Variants in SPAG9 observed in about 807,000 individuals in gnomAD.
SPAG9 encodes C-Jun-amino-terminal kinase-interacting protein 4.
A neutral mutation model predicts 166.5 loss-of-function variants in SPAG9; 35 were observed. The observed-to-expected ratio is 0.21, with a 90% CI of 0.16 to 0.28. The LOEUF (loss-of-function observed/expected upper bound fraction) is 0.28, where lower values mean the gene tolerates loss of function less well. Among genes scored for constraint, SPAG9 ranks in the 10% least tolerant of loss-of-function variants. The pLI is 1.00. For synonymous variants in SPAG9, 534 were observed against 565.5 expected (o/e 0.94, Z 0.79); for missense variants, 1,235 against 1,603.3 (o/e 0.77, Z 3.92).
chr17:50,984,264 C>T (rs759818508), intron 24 of SPAG9, among the ~76,000 whole-genome samples: 6 of 152,064 alleles, frequency 3.9e-5, no homozygotes, highest in Non-Finnish European at 8.8e-5. Context: ...AATTAAAATT[C>T]TTTAAGAAAA....
At chr17:50,993,688 T>C in intron 19 of SPAG9, 76 bp downstream of exon 19, 1 of 1,436,758 alleles carries the variant, frequency 7.0e-7, no homozygotes. Context: ...CAGAACTGCA[T>C]CTTCAGCTGC....
At chr17:50,979,707 C>T in intron 26 of SPAG9, 39 bp downstream of exon 26, 7 of 1,581,636 alleles carry the variant, frequency 4.4e-6, no homozygotes, top group Non-Finnish European at 6.1e-6. Flanking sequence ...ATAAAACACC[C>T]TCTTTGACTG....
At chr17:50,980,592 C>T (rs1240981834) in intron 25 of SPAG9, among the ~76,000 whole-genome samples, 11 of 151,208 alleles carry the variant, frequency 7.3e-5, no homozygotes, top group Admixed American at 2.6e-4. Context: ...TCAGGCTGGG[C>T]GCTGGTGGCT....
intron 2 of SPAG9, 77 bp from the exon 3 acceptor site, chr17:51,056,559 G>T: frequency 1.1e-6 from 1 of 891,766 alleles, no homozygotes; most frequent in Non-Finnish European, 1.8e-6. Flanking sequence ...GACTCAGAAT[G>T]GGCTATCCAT....
At position 51,120,263 on chromosome 17, in the gene SPAG9, G is replaced by A. The variant is rs1173639032; in HGVS notation, c.303+91C>T. ...CTCAGGCCCGCCCTCCAGGAGGCCC[G>A]TCGCGCCTCTAGTCCCCGACCGGGC... On this transcript the variant is annotated intron_variant, in intron 1 of 29. Coordinates refer to ENST00000262013, the MANE Select transcript of SPAG9 (RefSeq NM_001130528.3). This position sits in a 1 kb window ranked among gnomAD's most constrained non-coding sequence, Gnocchi z 4.7. 2 of 1,184,884 alleles carry A rather than the reference G, an allele frequency of 1.7e-6. No individual in the cohort carries two copies. Among genetic ancestry groups the A allele is most frequent in the Non-Finnish European group, 2.2e-6 (2 of 890,084 alleles). 73.4% of individuals were successfully genotyped at this position (1,184,884 alleles called of 1,614,324 possible).
intron 12 of SPAG9, among the ~76,000 whole-genome samples, chr17:51,003,771 G>T (rs978492447): frequency 1.3e-4 from 20 of 152,086 alleles, no homozygotes; most frequent in Admixed American, 6.5e-4. Context: ...TAGAAACTGG[G>T]CCTCTCCTTT....
chr17:51,075,194 T>TA (rs1340987826), intron 2 of SPAG9, among the ~76,000 whole-genome samples: 1 of 15,874 alleles, frequency 6.3e-5, no homozygotes, highest in Admixed American at 1.1e-3. Context: ...AGACTCCATC[T>TA]CAAAAAAAAA....
chr17:51,017,493 G>A (rs954748475), intron 8 of SPAG9, among the ~76,000 whole-genome samples: 1 of 150,800 alleles, frequency 6.6e-6, no homozygotes, highest in Non-Finnish European at 1.5e-5. Context: ...CCAGGAAGAA[G>A]AGTGGCGACA....
chr17:51,079,726 A>T, intron 1 of SPAG9, 22 bp from the exon 2 acceptor site: 1 of 1,445,630 alleles, frequency 6.9e-7, no homozygotes, highest in Non-Finnish European at 9.5e-7. Flanking sequence ...GAACAATATA[A>T]ATTTAATCAG....
chr17:51,077,113 G>GCTAGCTATCTAGCTATCTAGCTAGCTAT (rs2048037291), intron 2 of SPAG9, among the ~76,000 whole-genome samples: 8 of 135,536 alleles, frequency 5.9e-5, no homozygotes, highest in South Asian at 2.3e-4. Context: ...TAGCTATCTA[G>GCTAGCTATCTAGCTATCTAGCTAGCTAT]CTATCTAGCT....
At chr17:51,046,796 A>C in intron 4 of SPAG9, 1 of 1,533,946 alleles carries the variant, frequency 6.5e-7, no homozygotes, top group Non-Finnish European at 8.7e-7. Flanking sequence ...TTTCCACTCC[A>C]TCCTGCAGCA....
chr17:50,984,834 TCA>T, intron 24 of SPAG9, 87 bp downstream of exon 24: 1 of 983,704 alleles, frequency 1.0e-6, no homozygotes, highest in Non-Finnish European at 1.6e-6. Context: ...AAACTGAGTA[TCA>T]TTTCTTTAAA....
At chr17:51,013,947 T>C (rs1437048132) in intron 9 of SPAG9, among the ~76,000 whole-genome samples, 2 of 152,102 alleles carry the variant, frequency 1.3e-5, no homozygotes, top group East Asian at 1.9e-4. Flanking sequence ...CATGTTCTTA[T>C]GTGTAGTTAT....
intron 12 of SPAG9, among the ~76,000 whole-genome samples, chr17:51,002,542 G>C (rs2045002896): frequency 6.6e-6 from 1 of 152,098 alleles, no homozygotes; most frequent in Non-Finnish European, 1.5e-5. Flanking sequence ...CGGCACTTTG[G>C]GAGTCTGAGG....
chr17:50,986,351 A>G (rs1597914795), intron 22 of SPAG9, among the ~76,000 whole-genome samples: 1 of 152,242 alleles, frequency 6.6e-6, no homozygotes, highest in Admixed American at 6.5e-5. Flanking sequence ...TTCACTTTAT[A>G]GTATTGGACT....
In SPAG9 at chr17:50,964,814, G is replaced by A. The variant is rs1391183195; in HGVS notation, c.*1458C>T. 1 of 384,182 alleles carries A rather than the reference G, an allele frequency of 2.6e-6. No individual in the cohort carries two copies. Among genetic ancestry groups the A allele is most frequent in the Non-Finnish European group, 5.3e-6 (1 of 188,770 alleles). The allele number at this position is 384,182 out of a possible 1,614,324, so 23.8% of individuals were successfully genotyped here. A position where few individuals can be genotyped will look rare whatever the true frequency, so the allele number is the denominator to read the frequency against. ...GTCACCCAGGCTGGAGTGCAGTGGTGCTATCAAGGCTCACTGCAACCTCCA... is the reference window on the plus strand; with the variant it reads ...GTCACCCAGGCTGGAGTGCAGTGGTACTATCAAGGCTCACTGCAACCTCCA... On this transcript the variant is annotated 3_prime_UTR_variant, in exon 30 of 30. Coordinates refer to ENST00000262013, the MANE Select transcript of SPAG9 (RefSeq NM_001130528.3).
intron 16 of SPAG9, 140 bp from the exon 17 acceptor site, chr17:50,995,673 T>G (rs1417320735): frequency 1.6e-6 from 1 of 636,010 alleles, no homozygotes; most frequent in African/African-American, 1.8e-5. Context: ...TTTGTTTTTT[T>G]GTTTTTTTGA....
At chr17:51,040,165 AG>A (rs1346629576) in intron 5 of SPAG9, among the ~76,000 whole-genome samples, 1 of 150,632 alleles carries the variant, frequency 6.6e-6, no homozygotes, top group African/African-American at 2.4e-5. Context: ...ACCCAGGAGG[AG>A]GATGCAGTGA....
At position 51,120,398 on chromosome 17, in the gene SPAG9, T is replaced by A; in HGVS notation, c.259A>T (p.Thr87Ser). ...LLRDDNEQLI[T>S]QYEREKALRK... ...AGCGCCTTCTCCCGCTCGTACTGGGTGATGAGCTGCTCGTTGTCGTCCCGC... is the reference window on the plus strand; with the variant it reads ...AGCGCCTTCTCCCGCTCGTACTGGGAGATGAGCTGCTCGTTGTCGTCCCGC... The change falls in exon 1 of 30, where the codon ACC becomes TCC. Residue 87 changes from threonine to serine, a missense_variant. Physicochemically the swap from Thr to Ser is moderately conservative, Grantham distance 58. This residue lies in a region of SPAG9 where 83 missense variants were observed against 149.8 expected (regional missense o/e 0.55). Coordinates refer to ENST00000262013, the MANE Select transcript of SPAG9 (RefSeq NM_001130528.3). This position sits in a 1 kb window ranked among gnomAD's most constrained non-coding sequence, Gnocchi z 4.7. 6.2e-7 allele frequency: 1 copy of A among 1,610,266 alleles called. No homozygotes were observed.
Sources: allele counts gnomAD v4.1 joint callset (sites outside exome capture counted in the v4.1 genomes callset), GRCh38; gene constraint gnomAD v4.1.1; regional missense constraint gnomAD v4.1.1; non-coding constraint Gnocchi (gnomAD v3.1); transcripts MANE v1.5; gene names NCBI Gene and HGNC (gene_info 2026-07-23, HGNC 2026-07-21).